ATF6B: variants seen among roughly 807,000 people sequenced by gnomAD.
ATF6B encodes the protein cyclic AMP-dependent transcription factor ATF-6 beta.
Under a neutral mutation model 83.5 loss-of-function variants are expected in ATF6B, and 50 were observed. The ratio of observed to expected loss-of-function variants is 0.60; its 90% CI spans 0.48 to 0.76. The LOEUF is 0.76. ATF6B is among the 30% of genes least tolerant of loss of function. ATF6B has a pLI of 0.00. For synonymous variants in ATF6B, 344 were observed against 362.8 expected (o/e 0.95, Z 0.59); for missense variants, 790 against 893.8 (o/e 0.88, Z 1.48).
Position 32,127,681 on chromosome 6 carries a change from T to C in ATF6B, c.161A>G (p.Gln54Arg). Residue 54 changes from glutamine to arginine, a missense_variant, in exon 2 of 18, where the codon CAG (glutamine) becomes CGG (arginine). Around this residue, in one of 3 missense-constraint regions of ATF6B, gnomAD observed 253 missense variants for 243.1 expected, o/e 1.04. Transcript: ENST00000375203. ...EQTQLFRCPE[Q>R]DVPFDGSSLD... ...CTGGGGACACAATACCGGGACATCC[T>C]GCTCCGGGCAACGGAAGAGCTGCGT... 6.2e-7 allele frequency: 1 copy of C among 1,614,220 alleles called. No individual in the cohort carries two copies. The highest frequency in any genetic ancestry group is 1.1e-5 in the South Asian group (1 of 91,082).
intron 5 of ATF6B, among the ~76,000 whole-genome samples, chr6:32,122,675 C>A (rs1033290368): frequency 6.6e-6 from 1 of 150,856 alleles, no homozygotes; most frequent in Admixed American, 6.6e-5. Context: ...GGTGAAACCC[C>A]GTCTCTACTA....
In ATF6B at chr6:32,117,626, G is replaced by A. The variant is rs746751821; in HGVS notation, c.1493C>T (p.Ser498Phe). The change falls in exon 13 of 18, where the codon TCC becomes TTC. Residue 498 changes from serine to phenylalanine, a missense_variant. Transcript: ENST00000375203. This position sits in a 1 kb window ranked among gnomAD's most constrained non-coding sequence, Gnocchi z 5.0. ...GCGGTTGAAGTGCCGGCAATCAGAG[G>A]AGAGGAAGAGCTGGTCTAGGTCTCT... ...LLRDLDQLFL[S>F]SDCRHFNRTE... The A allele has an allele frequency of 2.5e-6, 4 of 1,614,118 alleles. No homozygotes were observed. The highest frequency in any genetic ancestry group is 2.2e-5 in the South Asian group (2 of 91,082).
At position 32,120,783 on chromosome 6, in the gene ATF6B, G is replaced by A. The variant is rs1781731065; in HGVS notation, c.820C>T (p.Gln274Ter). ...CCTTCTTCAGTACCTGGGGGTGGCT[G>A]GACGAGGGACTGCAGAAGGACTGTG... is the stretch of plus-strand genomic sequence containing the variant. ...STTVLLQSLVQPPPVSPVVLI... is the reference protein window; with the variant it reads ...STTVLLQSLV The change falls in exon 8 of 18, where the codon CAG becomes TAG. Residue 274 changes from glutamine (Q) to a stop codon, truncating the protein, a stop_gained. Transcript: ENST00000375203. LOFTEE classifies it high-confidence loss of function. 4.3e-6 allele frequency: 7 copies of A among 1,610,460 alleles called. No individual in the cohort carries two copies. Among genetic ancestry groups the A allele is most frequent in the Non-Finnish European group, 5.9e-6 (7 of 1,178,072 alleles).
At position 32,116,899 on chromosome 6, in the gene ATF6B, A is replaced by T; in HGVS notation, c.1686-84T>A. The T allele has an allele frequency of 6.5e-7, 1 of 1,547,508 alleles. No individual in the cohort carries two copies. Among genetic ancestry groups the T allele is most frequent in the South Asian group, 1.1e-5 (1 of 89,440 alleles). The stretch of plus-strand genomic sequence containing the variant: ...AGGGAAGCGGGTAGGATGAGAGAAA[A>T]AGACAGGAGACCCCCAGTGGAGGAG... On this transcript the variant is annotated intron_variant, in intron 15 of 17. Coordinates refer to ENST00000375203, the MANE Select transcript of ATF6B (RefSeq NM_004381.5). This position sits in a 1 kb window ranked among gnomAD's most constrained non-coding sequence, Gnocchi z 5.1.
Position 32,115,704 on chromosome 6 carries a change from CT to C in ATF6B, c.*34del, listed in dbSNP as rs1200555230. 2.6e-6 allele frequency: 4 copies of C among 1,524,074 alleles called. No homozygotes were observed. Among genetic ancestry groups the C allele is most frequent in the Non-Finnish European group, 3.5e-6 (4 of 1,127,386 alleles). 94.4% of individuals were successfully genotyped at this position (1,524,074 alleles called of 1,614,324 possible). A position where few individuals can be genotyped will look rare whatever the true frequency, so the allele number is the denominator to read the frequency against. ...GTCCCACCTGGCCACCTGGTACCCC[CT>C]CCCCCCGTTCTAAGTCAGTGTGAAT... On this transcript the variant is annotated 3_prime_UTR_variant, in exon 18 of 18. Coordinates refer to ENST00000375203, the MANE Select transcript of ATF6B (RefSeq NM_004381.5).
Position 32,119,892 on chromosome 6 carries a change from G to A in ATF6B, c.898C>T (p.Pro300Ser). The A allele has an allele frequency of 6.2e-7, 1 of 1,614,138 alleles. No homozygotes were observed. Among genetic ancestry groups the A allele is most frequent in the Non-Finnish European group, 8.5e-7 (1 of 1,180,026 alleles). Reference protein sequence around the residue: ...VQPEGPAPSLPRPERKSIVPA... With the variant: ...VQPEGPAPSLSRPERKSIVPA... ...ACGATGCTCTTCCTCTCAGGCCGTG[G>A]TAGAGAGGGAGCCGGCCCTTCAGGC... The change falls in exon 9 of 18, where the codon CCA becomes TCA. Residue 300 changes from proline to serine, a missense_variant. Physicochemically the swap from Pro to Ser is moderately conservative, Grantham distance 74. Coordinates refer to ENST00000375203, the MANE Select transcript of ATF6B (RefSeq NM_004381.5). The surrounding 1 kb of genome is among the most constrained non-coding windows in gnomAD (Gnocchi z 4.9).
chr6:32,117,621 CAG>C lies in ATF6B; in HGVS notation c.1496_1497del (p.Ser499Ter). On this transcript the variant is annotated frameshift_variant, in exon 13 of 18. Coordinates refer to ENST00000375203, the MANE Select transcript of ATF6B (RefSeq NM_004381.5). LOFTEE classifies it high-confidence loss of function. This position sits in a 1 kb window ranked among gnomAD's most constrained non-coding sequence, Gnocchi z 5.0. ...TCAGTGCGGTTGAAGTGCCGGCAAT[CAG>C]AGGAGAGGAAGAGCTGGTCTAGGTC... Reference protein sequence around the residue: ...LRDLDQLFLSSDCRHFNRTES... With the variant: ...LRDLDQLFLSXDCRHFNRTES... The C allele has an allele frequency of 1.2e-6, 2 of 1,614,212 alleles. No homozygotes were observed. The highest frequency in any genetic ancestry group is 1.7e-6 in the Non-Finnish European group (2 of 1,180,026).
chr6:32,117,196 C>A lies in ATF6B; in HGVS notation c.1615-89G>T. 6.5e-7 allele frequency: 1 copy of A among 1,538,476 alleles called. No homozygotes were observed. ...CCCTGGAAGCTGATGCCACCTCCCA[C>A]TCAACCCTCCACTTCCTTCAAACGA... On this transcript the variant is annotated intron_variant, in intron 14 of 17. Transcript: ENST00000375203. The surrounding 1 kb of genome is among the most constrained non-coding windows in gnomAD (Gnocchi z 5.0).
rs1781493399 is a variant in ATF6B, at chr6:32,115,643, T to C, written c.*96A>G. The stretch of plus-strand genomic sequence containing the variant: ...CCACACCTGCTCTTTCCTTTACCAA[T>C]TGCCCCAAGCCTGGGGATCAGGGAA... On this transcript the variant is annotated 3_prime_UTR_variant, in exon 18 of 18. Coordinates refer to ENST00000375203, the MANE Select transcript of ATF6B (RefSeq NM_004381.5). 3 of 1,121,314 alleles carry C rather than the reference T, an allele frequency of 2.7e-6. No homozygotes were observed. The highest frequency in any genetic ancestry group is 1.6e-5 in the South Asian group (1 of 64,118). The allele number at this position is 1,121,314 out of a possible 1,614,324, so 69.5% of individuals were successfully genotyped here.
rs749391389 is a variant in ATF6B at position 32,116,731 on chromosome 6, G to A, written c.1770C>T (p.Asp590=). Residue 590 remains aspartate (D), a synonymous_variant, in exon 16 of 18, where the codon GAC becomes GAT. Transcript: ENST00000375203. The surrounding 1 kb of genome is among the most constrained non-coding windows in gnomAD (Gnocchi z 5.1). ...TTCGGAAAGAGACAACATAAAATGTGTCTTCCCGTCGGTCAATTGCATCCA... is the reference window on the plus strand; with the variant it reads ...TTCGGAAAGAGACAACATAAAATGTATCTTCCCGTCGGTCAATTGCATCCA... ...AFLDAIDRRE[D]TFYVVSFRRD... The A allele has an allele frequency of 1.4e-5, 23 of 1,614,050 alleles. No homozygotes were observed. The East Asian group carries it at 4.9e-4, about 34-fold the overall frequency.
rs766422727 is a variant in ATF6B at position 32,119,854 on chromosome 6, C to T, written c.936G>A (p.Met312Ile). The T allele has an allele frequency of 4.3e-6, 7 of 1,614,108 alleles. No homozygotes were observed. The highest frequency in any genetic ancestry group is 5.1e-6 in the Non-Finnish European group (6 of 1,180,008). ...PERKSIVPAP[M>I]PGNSCPPEVD... ...CTTCAGGCGGGCAGGAGTTTCCAGG[C>T]ATAGGAGCGGGAACGATGCTCTTCC... The change falls in exon 9 of 18, where the codon ATG becomes ATA. Residue 312 changes from methionine (M) to isoleucine (I), a missense_variant. By Grantham distance (10) the Met-to-Ile change is conservative. Coordinates refer to ENST00000375203, the MANE Select transcript of ATF6B (RefSeq NM_004381.5). The surrounding 1 kb of genome is among the most constrained non-coding windows in gnomAD (Gnocchi z 4.9).
Position 32,116,901 on chromosome 6 carries a change from G to C in ATF6B, c.1686-86C>G, listed in dbSNP as rs1455706436. ...GGAAGCGGGTAGGATGAGAGAAAAA[G>C]ACAGGAGACCCCCAGTGGAGGAGGG... On this transcript the variant is annotated intron_variant, in intron 15 of 17. Coordinates refer to ENST00000375203, the MANE Select transcript of ATF6B (RefSeq NM_004381.5). This position sits in a 1 kb window ranked among gnomAD's most constrained non-coding sequence, Gnocchi z 5.1. 9 of 1,544,380 alleles carry C rather than the reference G, an allele frequency of 5.8e-6. No homozygotes were observed. Among genetic ancestry groups the C allele is most frequent in the Admixed American group, 1.7e-5 (1 of 58,794 alleles).
rs1781555534 is a variant in ATF6B, at chr6:32,116,989, T to C, written c.1685+48A>G. On this transcript the variant is annotated intron_variant, in intron 15 of 17. Transcript: ENST00000375203. This position sits in a 1 kb window ranked among gnomAD's most constrained non-coding sequence, Gnocchi z 5.1. ...GGACAGCTACTGGGGGTACAGCTCT[T>C]GAAAGTGGAATTTCACTTAATAAGT... 3 of 1,594,572 alleles carry C rather than the reference T, an allele frequency of 1.9e-6. No individual in the cohort carries two copies. The African/African-American group carries it at 4.0e-5, about 21-fold the overall frequency.
Position 32,127,112 on chromosome 6 carries a change from T to A in ATF6B, c.333A>T (p.Pro111=). The change falls in exon 4 of 18, where the codon CCA becomes CCT. Residue 111 remains proline, a synonymous_variant. Transcript: ENST00000375203. ...SSESSRLSTE[P]SSEALGVGEV... is the part of the protein sequence containing the mutation. ...GATATGGCTCTCTCACCTCGCTGGA[T>A]GGCTCTGTGGAGAGACGCGATGACT... 1 of 1,602,768 alleles carries A rather than the reference T, an allele frequency of 6.2e-7. No individual in the cohort carries two copies. The highest frequency in any genetic ancestry group is 1.1e-5 in the South Asian group (1 of 88,502).
intron 5 of ATF6B, 69 bp downstream of exon 5, chr6:32,126,048 C>CGT (rs1170718610): frequency 6.3e-7 from 1 of 1,591,604 alleles, no homozygotes; most frequent in African/African-American, 1.3e-5. Flanking sequence ...CATCTACACA[C>CGT]ATACACACAC....
chr6:32,118,094 A>G lies in ATF6B; in HGVS notation c.1245-56T>C. 1.2e-6 allele frequency: 2 copies of G among 1,605,100 alleles called. No homozygotes were observed. Among genetic ancestry groups the G allele is most frequent in the East Asian group, 2.2e-5 (1 of 44,846 alleles). On this transcript the variant is annotated intron_variant, in intron 11 of 17. Transcript: ENST00000375203. This position sits in a 1 kb window ranked among gnomAD's most constrained non-coding sequence, Gnocchi z 5.2. ...AGAATTTCAGCTGTATCAAGTATCT[A>G]GGTAAGAATAAAGACTCTGCAGATG...
rs913299564 is a variant in ATF6B, at chr6:32,123,634, C to T, written c.479-2286G>A. On this transcript the variant is annotated intron_variant, in intron 5 of 17. Transcript: ENST00000375203. ...TGATCTCCTGACCTCGTGATCTGCC[C>T]GCCTTGGCCTCCCAAAGTGCTGGGA... 2.6e-5 allele frequency among the ~76,000 whole-genome samples: 4 copies of T among 152,154 alleles called. 1 individual carries two copies. Among genetic ancestry groups the T allele is most frequent in the African/African-American group, 4.8e-5 (2 of 41,420 alleles).
Position 32,118,711 on chromosome 6 carries a change from G to T in ATF6B, c.1244+64C>A. ...AAGGAAATGGCCTGGGCCAAAGCAGGCAGCTAGGAGGCTGTAACGTGGGCT... is the reference window on the plus strand; with the variant it reads ...AAGGAAATGGCCTGGGCCAAAGCAGTCAGCTAGGAGGCTGTAACGTGGGCT... On this transcript the variant is annotated intron_variant, in intron 11 of 17. Coordinates refer to ENST00000375203, the MANE Select transcript of ATF6B (RefSeq NM_004381.5). This position sits in a 1 kb window ranked among gnomAD's most constrained non-coding sequence, Gnocchi z 5.2. 6.5e-7 allele frequency: 1 copy of T among 1,529,690 alleles called. No homozygotes were observed. Among genetic ancestry groups the T allele is most frequent in the South Asian group, 1.1e-5 (1 of 88,646 alleles). The allele number at this position is 1,529,690 out of a possible 1,614,324, so 94.8% of individuals were successfully genotyped here.
intron 1 of ATF6B, 135 bp downstream of exon 1, chr6:32,127,982 A>C: frequency 9.0e-7 from 1 of 1,105,188 alleles, no homozygotes; most frequent in Non-Finnish European, 1.3e-6. Context: ...CTTAATGCAC[A>C]ACGAGCCCCC....
Sources: allele counts gnomAD v4.1 joint callset (sites outside exome capture counted in the v4.1 genomes callset), GRCh38; gene constraint gnomAD v4.1.1; regional missense constraint gnomAD v4.1.1; non-coding constraint Gnocchi (gnomAD v3.1); transcripts MANE v1.5; gene names NCBI Gene and HGNC (gene_info 2026-07-23, HGNC 2026-07-21).